The following PRR14L variants were observed in gnomAD, a reference collection of about 807,000 sequenced individuals.
PRR14L encodes the protein protein PRR14L.
PRR14L carries 80 observed loss-of-function variants against 155.0 expected under a neutral mutation model. The observed-to-expected ratio is 0.52, with a 90% CI of 0.43 to 0.62. The LOEUF is 0.62. PRR14L is among the 20% of genes least tolerant of loss of function. The probability of loss-of-function intolerance (pLI) is 0.00; values close to 1 mark genes in which losing one functional copy is unlikely to be tolerated. For synonymous variants in PRR14L, 883 were observed against 916.0 expected (o/e 0.96, Z 0.65); for missense variants, 2,469 against 2,548.0 (o/e 0.97, Z 0.67).
rs554063095 is a variant in PRR14L at position 31,718,931 on chromosome 22, G to A, written c.548-1640C>T. On this transcript the variant is annotated intron_variant, in intron 3 of 8. Transcript: ENST00000327423. The stretch of plus-strand genomic sequence containing the variant: ...TCTACCGAAAATACAAAAATTAGCT[G>A]GGCATGGTGGCACATGCCTGTAATC... Among the ~76,000 whole-genome samples, 197 of 151,740 alleles carry A rather than the reference G, an allele frequency of 1.3e-3. 1 individual carries two copies. Among genetic ancestry groups the A allele is most frequent in the African/African-American group, 4.6e-3 (189 of 41,374 alleles).
At position 31,713,876 on chromosome 22, in the gene PRR14L, T is replaced by A; in HGVS notation, c.3963A>T (p.Arg1321Ser). 6.4e-7 allele frequency: 1 copy of A among 1,552,174 alleles called. No individual in the cohort carries two copies. Among genetic ancestry groups the A allele is most frequent in the Non-Finnish European group, 8.7e-7 (1 of 1,147,090 alleles). Residue 1321 changes from arginine to serine, a missense_variant, in exon 4 of 9, where the codon AGA becomes AGT. This residue lies in a region of PRR14L where 2,363 missense variants were observed against 2,371.6 expected (regional missense o/e 1.00). Transcript: ENST00000327423. ...ACHPHENSSD[R>S]HLPLTVKTDI... ...CTGTTTTCACTGTCAAAGGCAAATGTCTGTCAGAGGAATTCTCGTGAGGGT... is the reference window on the plus strand; with the variant it reads ...CTGTTTTCACTGTCAAAGGCAAATGACTGTCAGAGGAATTCTCGTGAGGGT...
At chr22:31,690,648 T>C (rs1397033452) in intron 7 of PRR14L, among the ~76,000 whole-genome samples, 1 of 151,874 alleles carries the variant, frequency 6.6e-6, no homozygotes, top group Non-Finnish European at 1.5e-5. Context: ...AATTTTTTTT[T>C]TTTTTTTCTT....
chr22:31,682,383 A>G lies in PRR14L; in HGVS notation c.*3144T>C, dbSNP rs931313219. The G allele has an allele frequency of 1.4e-5, 2 of 142,754 alleles. No homozygotes were observed. Among genetic ancestry groups the G allele is most frequent in the African/African-American group, 5.7e-5 (2 of 35,080 alleles). 8.8% of individuals were successfully genotyped at this position (142,754 alleles called of 1,614,324 possible). Reference sequence around the variant, plus strand: ...TTTCTGGGCTCCTCAGGCTCCGAATAAGGCAAACGCTACATGTCTTCACCG... The same window carrying G: ...TTTCTGGGCTCCTCAGGCTCCGAATGAGGCAAACGCTACATGTCTTCACCG... On this transcript the variant is annotated 3_prime_UTR_variant, in exon 9 of 9. Coordinates refer to ENST00000327423, the MANE Select transcript of PRR14L (RefSeq NM_173566.3).
chr22:31,749,294 G>A (rs767409566), intron 1 of PRR14L, among the ~76,000 whole-genome samples: 12 of 152,184 alleles, frequency 7.9e-5, no homozygotes, highest in Admixed American at 1.3e-4. Context: ...AGGGAAAGGA[G>A]CTCACTGCAC....
rs1436023470 is a variant in PRR14L at position 31,703,617 on chromosome 22, A to C, written c.5933T>G (p.Leu1978Trp). Reference sequence around the variant, plus strand: ...TGCTTTCACACCATCCAGCTCATCCAATCCACGAACCTGGAACTCAGAGGC... The same window carrying C: ...TGCTTTCACACCATCCAGCTCATCCCATCCACGAACCTGGAACTCAGAGGC... Reference protein sequence around the residue: ...LSASEFQVRGLDELDGVKAAC... With the variant: ...LSASEFQVRGWDELDGVKAAC... The change falls in exon 6 of 9, where the codon TTG becomes TGG. Residue 1978 changes from leucine to tryptophan, a missense_variant. Transcript: ENST00000327423. 3 of 1,613,752 alleles carry C rather than the reference A, an allele frequency of 1.9e-6. No individual in the cohort carries two copies. In the African/African-American group the frequency reaches 4.0e-5, roughly 22 times the overall value.
chr22:31,729,640 T>C (rs2074737032), intron 2 of PRR14L, among the ~76,000 whole-genome samples: 1 of 152,214 alleles, frequency 6.6e-6, no homozygotes, highest in South Asian at 2.1e-4. Flanking sequence ...CTTTTAAAAA[T>C]ATTAAGACCA....
Position 31,730,308 on chromosome 22 carries a change from C to T in PRR14L, c.475-4698G>A, listed in dbSNP as rs1214677526. On this transcript the variant is annotated intron_variant, in intron 2 of 8. Transcript: ENST00000327423. Reference sequence around the variant, plus strand: ...CAAAAATTAGCTGGCCATGGTGGCACGTGCCTGTAATCCCAGCTACTCAGG... The same window carrying T: ...CAAAAATTAGCTGGCCATGGTGGCATGTGCCTGTAATCCCAGCTACTCAGG... Among the ~76,000 whole-genome samples, 3 of 152,154 alleles carry T rather than the reference C, an allele frequency of 2.0e-5. No individual in the cohort carries two copies. The East Asian group carries it at 5.8e-4, about 29-fold the overall frequency.
At chr22:31,692,296 A>G (rs1472818339) in intron 7 of PRR14L, among the ~76,000 whole-genome samples, 2 of 152,042 alleles carry the variant, frequency 1.3e-5, no homozygotes, top group African/African-American at 4.8e-5. Context: ...AGATGTGTAT[A>G]AGGGTTTGAG....
At position 31,715,268 on chromosome 22, in the gene PRR14L, T is replaced by C. The variant is rs1211022103; in HGVS notation, c.2571A>G (p.Glu857=). The C allele has an allele frequency of 1.9e-6, 3 of 1,552,290 alleles. No individual in the cohort carries two copies. Among genetic ancestry groups the C allele is most frequent in the Admixed American group, 3.9e-5 (2 of 50,994 alleles). The change falls in exon 4 of 9, where the codon GAA becomes GAG. Residue 857 remains glutamate, a synonymous_variant. Transcript: ENST00000327423. The stretch of plus-strand genomic sequence containing the variant: ...TGCCATTCGTTTCTTTCCCATCAAG[T>C]TCCCTTTCCTGTGATGTGTAACTCA... The part of the protein sequence containing the change: ...CKVSYTSQER[E]LDGKETNGSL...
At chr22:31,738,982 A>G in intron 1 of PRR14L, 71 bp from the exon 2 acceptor site, 1 of 634,174 alleles carries the variant, frequency 1.6e-6, no homozygotes, top group South Asian at 2.4e-5. Flanking sequence ...CCTCAGTTCA[A>G]ACCGGCTACA....
rs1327429974 is a variant in PRR14L at position 31,716,783 on chromosome 22, T to C, written c.1056A>G (p.Pro352=). Residue 352 remains proline (P), a synonymous_variant, in exon 4 of 9, where the codon CCA becomes CCG. Transcript: ENST00000327423. ...VSCFTSDLSG[P]ESRTISLENC... ...TTTCTAAGGATATTGTTCTGGATTC[T>C]GGACCAGACAAGTCTGATGTGAAAC... The C allele has an allele frequency of 2.6e-6, 4 of 1,551,756 alleles. No individual in the cohort carries two copies. The highest frequency in any genetic ancestry group is 3.5e-6 in the Non-Finnish European group (4 of 1,147,048).
chr22:31,717,926 ATTTTTTT>A (rs531724278), intron 3 of PRR14L, among the ~76,000 whole-genome samples: 2 of 134,520 alleles, frequency 1.5e-5, no homozygotes, highest in Non-Finnish European at 1.6e-5. Context: ...CCCCCAGCTA[ATTTTTTT>A]TTTTTTTTTT....
rs1352892552 is a variant in PRR14L at position 31,715,569 on chromosome 22, C to A, written c.2270G>T (p.Arg757Met). ...TGCTTCTCTCTTATTTGAGCGCAGC[C>A]TGGAATGTAGAGCTTTTGTTCCTGA... is the stretch of plus-strand genomic sequence containing the variant. Reference protein sequence around the residue: ...ADSGTKALHSRLRSNKREAAG... With the variant: ...ADSGTKALHSMLRSNKREAAG... The change falls in exon 4 of 9, where the codon AGG becomes ATG. Residue 757 changes from arginine to methionine, a missense_variant. Around this residue, in one of 2 missense-constraint regions of PRR14L, gnomAD observed 2,363 missense variants for 2,371.6 expected, o/e 1.00. Transcript: ENST00000327423. 3.2e-6 allele frequency: 5 copies of A among 1,551,912 alleles called. No individual in the cohort carries two copies. The African/African-American group carries it at 6.8e-5, about 21-fold the overall frequency.
chr22:31,686,329 T>C (rs954533331), intron 8 of PRR14L, among the ~76,000 whole-genome samples: 3 of 151,424 alleles, frequency 2.0e-5, no homozygotes, highest in Non-Finnish European at 4.4e-5. Flanking sequence ...AGGATGGTCT[T>C]GATCTCCTAA....
intron 6 of PRR14L, among the ~76,000 whole-genome samples, chr22:31,702,795 C>T (rs776167963): frequency 3.3e-5 from 5 of 151,516 alleles, no homozygotes; most frequent in Non-Finnish European, 5.9e-5. Flanking sequence ...GAATCACAGG[C>T]GTGAGCCACC....
intron 3 of PRR14L, among the ~76,000 whole-genome samples, chr22:31,722,938 A>G (rs1386409103): frequency 6.6e-6 from 1 of 152,218 alleles, no homozygotes; most frequent in Non-Finnish European, 1.5e-5. Flanking sequence ...ACGTGGGTCT[A>G]TTTAAATCAA....
intron 2 of PRR14L, among the ~76,000 whole-genome samples, chr22:31,727,605 T>C (rs1323001559): frequency 2.0e-5 from 3 of 152,132 alleles, no homozygotes; most frequent in African/African-American, 4.8e-5. Flanking sequence ...TAAAAGGTTC[T>C]GAGTTAAGAA....
At chr22:31,720,162 C>T (rs1204835790) in intron 3 of PRR14L, among the ~76,000 whole-genome samples, 2 of 152,110 alleles carry the variant, frequency 1.3e-5, no homozygotes, top group South Asian at 2.1e-4. Context: ...TGGGACAGTG[C>T]CTGCTATATA....
Position 31,717,308 on chromosome 22 carries a change from A to C in PRR14L, c.548-17T>G. 1.3e-6 allele frequency: 2 copies of C among 1,510,476 alleles called. No individual in the cohort carries two copies. The highest frequency in any genetic ancestry group is 8.9e-7 in the Non-Finnish European group (1 of 1,125,034). 93.6% of individuals were successfully genotyped at this position (1,510,476 alleles called of 1,614,324 possible). On this transcript the variant is annotated splice_polypyrimidine_tract_variant and intron_variant, in intron 3 of 8. Coordinates refer to ENST00000327423, the MANE Select transcript of PRR14L (RefSeq NM_173566.3). ...CATTTCCTTCTGAATAAGAGAAATA[A>C]ATCCAAATTAATATGCAGTAATAAA...
Sources: allele counts gnomAD v4.1 joint callset (sites outside exome capture counted in the v4.1 genomes callset), GRCh38; gene constraint gnomAD v4.1.1; regional missense constraint gnomAD v4.1.1; transcripts MANE v1.5; gene names NCBI Gene and HGNC (gene_info 2026-07-23, HGNC 2026-07-21).